Variants in CWC27 observed in about 807,000 individuals in gnomAD.
The protein encoded by CWC27 is spliceosome-associated protein CWC27 homolog.
Under a neutral mutation model 63.6 loss-of-function variants are expected in CWC27, and 47 were observed. The ratio of observed to expected loss-of-function variants is 0.74; its 90% CI spans 0.58 to 0.94. CWC27 has a LOEUF of 0.94. Ranked by LOEUF, CWC27 falls within the 40% of genes least tolerant of loss-of-function variation. The probability of loss-of-function intolerance (pLI) is 0.00; values close to 1 mark genes in which losing one functional copy is unlikely to be tolerated. For missense variants in CWC27, 495 were observed against 554.3 expected, an observed-to-expected ratio of 0.89 and a Z score of 1.07; for synonymous variants, 175 against 179.8, an observed-to-expected ratio of 0.97 and a Z score of 0.22.
At chr5:64,791,026 G>A (rs1457826251) in intron 7 of CWC27, among the ~76,000 whole-genome samples, 2 of 152,090 alleles carry the variant, frequency 1.3e-5, no homozygotes, top group African/African-American at 2.4e-5. Flanking sequence ...ACGTCTCAAA[G>A]GTTGGTGAGA....
chr5:64,953,765 C>T (rs923686164), intron 11 of CWC27, among the ~76,000 whole-genome samples: 10 of 152,098 alleles, frequency 6.6e-5, no homozygotes, highest in Non-Finnish European at 1.3e-4. Context: ...AACAAGTTGC[C>T]TTGATGAGCA....
At chr5:64,786,438 C>T in intron 5 of CWC27, 86 bp from the exon 6 acceptor site, 1 of 727,060 alleles carries the variant, frequency 1.4e-6, no homozygotes, top group Non-Finnish European at 2.2e-6. Context: ...AATATAGACA[C>T]TATACCACTG....
chr5:64,912,955 G>C (rs961840886), intron 11 of CWC27, among the ~76,000 whole-genome samples: 1 of 151,906 alleles, frequency 6.6e-6, no homozygotes, highest in Non-Finnish European at 1.5e-5. Flanking sequence ...AATAAAACCT[G>C]GTAAAGATAT....
At chr5:64,775,882 A>G (rs1315011716) in intron 2 of CWC27, among the ~76,000 whole-genome samples, 1 of 152,076 alleles carries the variant, frequency 6.6e-6, no homozygotes. Context: ...TGATTTTTAG[A>G]GACAGTTTTA....
intron 10 of CWC27, among the ~76,000 whole-genome samples, chr5:64,805,365 A>T (rs915641274): frequency 7.3e-5 from 11 of 151,458 alleles, no homozygotes; most frequent in Admixed American, 2.6e-4. Context: ...ATACTAGATT[A>T]TATTATATAT....
In CWC27 at chr5:64,944,626, T is replaced by C. The variant is rs139869378; in HGVS notation, c.1043-27077T>C. On this transcript the variant is annotated intron_variant, in intron 11 of 13. Coordinates refer to ENST00000381070, the MANE Select transcript of CWC27 (RefSeq NM_005869.4). ...CTGAAATCATCCCTGTCTCAGTTAA[T>C]TTTGGAATCGTTTTTTGTTCCCCTT... 5.6e-3 allele frequency among the ~76,000 whole-genome samples: 856 copies of C among 152,312 alleles called. 3 individuals carry two copies. The highest frequency in any genetic ancestry group is 0.011 in the South Asian group (54 of 4,824).
chr5:64,775,935 G>A (rs1194819763), intron 2 of CWC27, among the ~76,000 whole-genome samples: 3 of 152,044 alleles, frequency 2.0e-5, no homozygotes, highest in East Asian at 1.9e-4. Context: ...GAAGCAAGGT[G>A]TGAAAGAGAA....
At chr5:65,003,981 G>A (rs1281428583) in intron 13 of CWC27, among the ~76,000 whole-genome samples, 2 of 151,786 alleles carry the variant, frequency 1.3e-5, no homozygotes, top group Non-Finnish European at 2.9e-5. Context: ...AGTAGCTGGG[G>A]TTACAGGCAC....
At chr5:64,898,114 T>C (rs1026121449) in intron 11 of CWC27, among the ~76,000 whole-genome samples, 3 of 152,198 alleles carry the variant, frequency 2.0e-5, no homozygotes, top group African/African-American at 7.2e-5. Context: ...TTATAGAAAG[T>C]GGCCACATAA....
chr5:64,972,184 G>A (rs1290311947), intron 12 of CWC27, among the ~76,000 whole-genome samples: 2 of 152,146 alleles, frequency 1.3e-5, no homozygotes, highest in Non-Finnish European at 2.9e-5. Context: ...CCGACATCTC[G>A]CATGCTGACT....
intron 13 of CWC27, among the ~76,000 whole-genome samples, chr5:64,987,620 G>C (rs558028361): frequency 6.6e-6 from 1 of 152,260 alleles, no homozygotes; most frequent in African/African-American, 2.4e-5. Flanking sequence ...TTTTAGAGCA[G>C]ATCTACTGGC....
intron 10 of CWC27, 141 bp downstream of exon 10, chr5:64,804,527 C>A: frequency 2.4e-6 from 2 of 823,518 alleles, no homozygotes; most frequent in Non-Finnish European, 1.8e-6. Context: ...ACAAATTGGC[C>A]CATTAGCAGG....
At chr5:64,807,451 A>T in intron 10 of CWC27, 1 of 1,020,476 alleles carries the variant, frequency 9.8e-7, no homozygotes, top group Non-Finnish European at 1.3e-6. Flanking sequence ...TCATTTGAAA[A>T]AAGAGCTCAG....
At chr5:64,802,930 G>A (rs1278555933) in intron 9 of CWC27, among the ~76,000 whole-genome samples, 2 of 152,084 alleles carry the variant, frequency 1.3e-5, no homozygotes, top group African/African-American at 2.4e-5. Flanking sequence ...CCAGGAAAAT[G>A]TACTACATTC....
At chr5:64,907,683 A>T (rs1747682663) in intron 11 of CWC27, among the ~76,000 whole-genome samples, 1 of 152,204 alleles carries the variant, frequency 6.6e-6, no homozygotes, top group Non-Finnish European at 1.5e-5. Context: ...TGCCCTGGCC[A>T]GAACTTCCAA....
chr5:64,857,666 A>T (rs1561436688), intron 10 of CWC27, among the ~76,000 whole-genome samples: 3 of 152,164 alleles, frequency 2.0e-5, no homozygotes, highest in Non-Finnish European at 4.4e-5. Flanking sequence ...GAAGTCAGGG[A>T]CAGATCCAAG....
At chr5:64,842,450 C>T (rs1207629672) in intron 10 of CWC27, among the ~76,000 whole-genome samples, 7 of 151,946 alleles carry the variant, frequency 4.6e-5, no homozygotes, top group African/African-American at 1.7e-4. Context: ...ACTGCAGGCA[C>T]CCGCCACCAT....
intron 10 of CWC27, among the ~76,000 whole-genome samples, chr5:64,878,499 A>AAAAAAAAAAAAAAAAAAC (rs1746852497): frequency 7.1e-6 from 1 of 140,988 alleles, no homozygotes; most frequent in Non-Finnish European, 1.6e-5. Flanking sequence ...AAAAAAAAAA[A>AAAAAAAAAAAAAAAAAAC]AGCACCTGTT....
chr5:64,843,703 GA>G (rs1395254531), intron 10 of CWC27, among the ~76,000 whole-genome samples: 2 of 152,126 alleles, frequency 1.3e-5, no homozygotes, highest in Non-Finnish European at 2.9e-5. Context: ...TTAATCTGGA[GA>G]AGTTCACAGG....
Sources: gnomAD v4.1 joint callset for allele counts (sites outside exome capture counted in the v4.1 genomes callset) on GRCh38, gnomAD v4.1.1 for gene constraint, MANE v1.5 for transcripts, NCBI Gene and HGNC (gene_info 2026-07-23, HGNC 2026-07-21) for gene names.